CSMD3: variants seen among roughly 807,000 people sequenced by gnomAD.
CSMD3 encodes CUB and Sushi multiple domains 3.
A neutral mutation model predicts 435.2 loss-of-function variants in CSMD3; 177 were observed. That is an observed-to-expected ratio of 0.41 (90% confidence interval 0.36 to 0.46). CSMD3 has a LOEUF of 0.46. CSMD3 is among the 20% of genes least tolerant of loss of function. The pLI, the probability that CSMD3 is intolerant of heterozygous loss-of-function variation, is 0.34. For missense variants in CSMD3, 4,265 were observed against 4,504.6 expected (o/e 0.95, Z 1.52); for synonymous variants, 1,656 against 1,520.5 (o/e 1.09, Z -2.07).
intron 31 of CSMD3, among the ~76,000 whole-genome samples, chr8:112,477,932 T>A (rs1017086666): frequency 6.6e-6 from 1 of 152,068 alleles, no homozygotes; most frequent in East Asian, 1.9e-4. Context: ...AAGAACCTGG[T>A]GGGAGGTCAC....
chr8:113,382,027 A>G (rs10955656), intron 1 of CSMD3, among the ~76,000 whole-genome samples: 92,603 of 151,934 alleles, frequency 0.61, 29,582 homozygotes, highest in East Asian at 0.75. Flanking sequence ...ATATCTCAAT[A>G]TTGCTTGAGA....
At chr8:112,548,691 G>T (rs1459839937) in intron 27 of CSMD3, among the ~76,000 whole-genome samples, 1 of 152,022 alleles carries the variant, frequency 6.6e-6, no homozygotes, top group Non-Finnish European at 1.5e-5. Context: ...TTCATGAAAA[G>T]AATATTTTCC....
In CSMD3 at chr8:112,682,385, T is replaced by G. The variant is rs1586958468; in HGVS notation, c.2677+57A>C. On this transcript the variant is annotated intron_variant, in intron 16 of 70. Transcript: ENST00000297405. ...TGGTAGGATAATGTGTTTCTTGTTG[T>G]GGTTTCTTGTACATAATGATGATGA... The G allele has an allele frequency of 2.4e-6, 3 of 1,242,736 alleles. No individual in the cohort carries two copies. The East Asian group carries it at 7.0e-5, about 29-fold the overall frequency. 77.0% of individuals were successfully genotyped at this position (1,242,736 alleles called of 1,614,324 possible).
chr8:113,040,902 A>G (rs1372627143), intron 5 of CSMD3, among the ~76,000 whole-genome samples: 1 of 152,058 alleles, frequency 6.6e-6, no homozygotes, highest in Admixed American at 6.6e-5. Flanking sequence ...CTCCAGAGGC[A>G]CTATAAAGAC....
chr8:112,467,602 G>A (rs1343422765), intron 32 of CSMD3, among the ~76,000 whole-genome samples: 1 of 152,144 alleles, frequency 6.6e-6, no homozygotes, highest in African/African-American at 2.4e-5. Context: ...AGCCCGGAAT[G>A]TCACCATATC....
At chr8:113,008,874 A>G (rs1307371867) in intron 6 of CSMD3, among the ~76,000 whole-genome samples, 7 of 151,398 alleles carry the variant, frequency 4.6e-5, no homozygotes, top group Admixed American at 1.3e-4. Context: ...GTCTATAAAT[A>G]AACTATTCCC....
intron 3 of CSMD3, among the ~76,000 whole-genome samples, chr8:113,198,511 A>G (rs2092684210): frequency 6.6e-6 from 1 of 151,282 alleles, no homozygotes; most frequent in Admixed American, 6.6e-5. Flanking sequence ...AAAGAAAGTG[A>G]CTAACCACCA....
chr8:112,854,620 A>T (rs568046504), intron 11 of CSMD3, among the ~76,000 whole-genome samples: 1 of 152,204 alleles, frequency 6.6e-6, no homozygotes, highest in Admixed American at 6.5e-5. Flanking sequence ...TGTAATCTGA[A>T]CTTACAGACT....
At chr8:112,275,827 A>G (rs1480319992) in intron 59 of CSMD3, among the ~76,000 whole-genome samples, 1 of 152,172 alleles carries the variant, frequency 6.6e-6, no homozygotes, top group Non-Finnish European at 1.5e-5. Context: ...GTTACAATTA[A>G]AGATGAGATT....
chr8:113,422,746 G>C (rs1345554627), intron 1 of CSMD3, among the ~76,000 whole-genome samples: 1 of 151,888 alleles, frequency 6.6e-6, no homozygotes, highest in Non-Finnish European at 1.5e-5. Context: ...GTGTAAGAGA[G>C]AGACGAAAAA....
intron 4 of CSMD3, among the ~76,000 whole-genome samples, chr8:113,157,929 T>C (rs1356573441): frequency 2.0e-5 from 3 of 152,134 alleles, no homozygotes; most frequent in African/African-American, 4.8e-5. Context: ...TTTCCGCCTC[T>C]AGTGAGGTTC....
intron 13 of CSMD3, among the ~76,000 whole-genome samples, chr8:112,699,459 T>C (rs965442603): frequency 6.6e-6 from 1 of 152,028 alleles, no homozygotes; most frequent in Non-Finnish European, 1.5e-5. Context: ...AAATACAGAA[T>C]AAGTGGGGAA....
intron 13 of CSMD3, among the ~76,000 whole-genome samples, chr8:112,697,455 T>A (rs1386936849): frequency 6.6e-6 from 1 of 151,764 alleles, no homozygotes; most frequent in East Asian, 1.9e-4. Context: ...GGGACGTGGA[T>A]GTTTGCATCA....
chr8:113,158,908 A>C (rs1198232507), intron 4 of CSMD3, among the ~76,000 whole-genome samples: 1 of 151,980 alleles, frequency 6.6e-6, no homozygotes, highest in Non-Finnish European at 1.5e-5. Flanking sequence ...GGAAAAAATA[A>C]ACAAGACGGT....
At chr8:112,242,486 A>G (rs1814265417) in intron 65 of CSMD3, among the ~76,000 whole-genome samples, 1 of 152,110 alleles carries the variant, frequency 6.6e-6, no homozygotes, top group Non-Finnish European at 1.5e-5. Context: ...AGAGAAGTTG[A>G]GAGACACTGC....
Position 112,556,829 on chromosome 8 carries a change from T to C in CSMD3, c.4168A>G (p.Ser1390Gly). Residue 1390 changes from serine (S) to glycine (G), a missense_variant, in exon 25 of 71, where the codon AGT becomes GGT. By Grantham distance (56) the Ser-to-Gly change is moderately conservative. Transcript: ENST00000297405. The stretch of plus-strand genomic sequence containing the variant: ...CCTGTCATGCACTTGAGAAGGCTAC[T>C]TCCGTGGAGAGTGTAGCCTGGATTG... ...GCNPGYTLHGSSLLKCMTGER... is the reference protein window; with the variant it reads ...GCNPGYTLHGGSLLKCMTGER... 6.2e-7 allele frequency: 1 copy of C among 1,612,260 alleles called. No individual in the cohort carries two copies. Among genetic ancestry groups the C allele is most frequent in the Non-Finnish European group, 8.5e-7 (1 of 1,178,810 alleles).
intron 11 of CSMD3, among the ~76,000 whole-genome samples, chr8:112,852,196 C>A (rs2080511285): frequency 6.6e-6 from 1 of 152,126 alleles, no homozygotes. Context: ...GAAAACAGGA[C>A]AGATTTCCAA....
intron 4 of CSMD3, among the ~76,000 whole-genome samples, chr8:113,125,192 T>C (rs1355016220): frequency 6.6e-6 from 1 of 151,918 alleles, no homozygotes; most frequent in Non-Finnish European, 1.5e-5. Context: ...AACAAGGAAT[T>C]TTTTTGAGAG....
intron 22 of CSMD3, among the ~76,000 whole-genome samples, chr8:112,591,786 C>T (rs368758360): frequency 5.9e-5 from 9 of 151,928 alleles, no homozygotes; most frequent in South Asian, 2.1e-4. Flanking sequence ...ATAGGAGGAT[C>T]AAATCCAAAT....
Sources: gnomAD v4.1 joint callset for allele counts (sites outside exome capture counted in the v4.1 genomes callset) on GRCh38, gnomAD v4.1.1 for gene constraint, MANE v1.5 for transcripts, NCBI Gene and HGNC (gene_info 2026-07-23, HGNC 2026-07-21) for gene names.